CDC42BPA: variants seen among roughly 807,000 people sequenced by gnomAD.
CDC42BPA encodes the protein CDC42 binding protein kinase alpha.
In CDC42BPA, 80 loss-of-function variants were observed where a neutral mutation model predicts 223.5. The ratio of observed to expected loss-of-function variants is 0.36; its 90% CI spans 0.30 to 0.43. The LOEUF (loss-of-function observed/expected upper bound fraction) is 0.43, where lower values mean the gene tolerates loss of function less well. Among genes scored for constraint, CDC42BPA ranks in the 20% least tolerant of loss-of-function variants. The pLI, the probability that CDC42BPA is intolerant of heterozygous loss-of-function variation, is 1.00. For missense variants in CDC42BPA, 1,743 were observed against 2,099.9 expected (o/e 0.83, Z 3.32); for synonymous variants, 694 against 718.6 (o/e 0.97, Z 0.55).
chr1:227,130,481 T>C (rs573209076), intron 10 of CDC42BPA, among the ~76,000 whole-genome samples: 1 of 152,202 alleles, frequency 6.6e-6, no homozygotes, highest in Admixed American at 6.5e-5. Context: ...GTATTTATTA[T>C]TTTGAAAAGA....
intron 15 of CDC42BPA, among the ~76,000 whole-genome samples, chr1:227,095,918 G>A (rs1400784494): frequency 6.6e-6 from 1 of 152,120 alleles, no homozygotes; most frequent in African/African-American, 2.4e-5. Context: ...AGACTATATT[G>A]TTATGTGACA....
chr1:227,205,280 AAAAAT>A (rs1558757515), intron 3 of CDC42BPA, among the ~76,000 whole-genome samples: 109 of 75,500 alleles, frequency 1.4e-3, no homozygotes, highest in African/African-American at 3.3e-3. Flanking sequence ...AAAAAAAAAA[AAAAAT>A]ATATATATAT....
chr1:227,289,878 C>A (rs999364243), intron 1 of CDC42BPA, among the ~76,000 whole-genome samples: 3 of 100,246 alleles, frequency 3.0e-5, no homozygotes, highest in African/African-American at 1.1e-4. Flanking sequence ...ATGGTGAGAC[C>A]CTGTCTCTAC....
At chr1:227,095,190 A>C (rs1332926495) in intron 15 of CDC42BPA, among the ~76,000 whole-genome samples, 1 of 152,226 alleles carries the variant, frequency 6.6e-6, no homozygotes, top group Admixed American at 6.5e-5. Context: ...AGTTCAATGA[A>C]CGTATACTTA....
intron 16 of CDC42BPA, among the ~76,000 whole-genome samples, chr1:227,084,497 C>T (rs899651866): frequency 1.4e-5 from 2 of 146,400 alleles, no homozygotes; most frequent in Non-Finnish European, 3.0e-5. Flanking sequence ...CACTGCACTC[C>T]AGCCTGGGCA....
intron 35 of CDC42BPA, among the ~76,000 whole-genome samples, chr1:226,999,660 T>C (rs1662371425): frequency 6.6e-6 from 1 of 152,166 alleles, no homozygotes; most frequent in Non-Finnish European, 1.5e-5. Flanking sequence ...GTATGTTTAT[T>C]GCAGCACTAT....
At chr1:227,046,061 C>A (rs1335426801) in intron 23 of CDC42BPA, among the ~76,000 whole-genome samples, 2 of 152,146 alleles carry the variant, frequency 1.3e-5, no homozygotes, top group Non-Finnish European at 2.9e-5. Flanking sequence ...CCGCCTAAGC[C>A]TCCCAAAATG....
At position 227,112,298 on chromosome 1, in the gene CDC42BPA, A is replaced by C. The variant is rs760188898; in HGVS notation, c.2001+14T>G. Reference sequence around the variant, plus strand: ...AAATCAATTAAGCTTCATAAATGTGAAGTCAAAAGATACCTTCAGTCCCTC... The same window carrying C: ...AAATCAATTAAGCTTCATAAATGTGCAGTCAAAAGATACCTTCAGTCCCTC... On this transcript the variant is annotated intron_variant, in intron 14 of 36. Coordinates refer to ENST00000366766, the MANE Select transcript of CDC42BPA (RefSeq NM_001394014.1). 6.9e-7 allele frequency: 1 copy of C among 1,439,866 alleles called. No homozygotes were observed. The highest frequency in any genetic ancestry group is 9.6e-7 in the Non-Finnish European group (1 of 1,039,418). 89.2% of individuals were successfully genotyped at this position (1,439,866 alleles called of 1,614,324 possible).
At chr1:227,135,855 CAAAAAAAAAAAAAAAAAAAAAAAAA>C (rs1175091904) in intron 10 of CDC42BPA, among the ~76,000 whole-genome samples, 2 of 6,606 alleles carry the variant, frequency 3.0e-4, no homozygotes, top group East Asian at 6.5e-3. Context: ...CTCTGTCTCC[CAAAAAAAAAAAAAAAAAAAAAAAAA>C]AAAAAAAAAA....
chr1:227,091,476 T>C (rs1212104852), intron 16 of CDC42BPA, among the ~76,000 whole-genome samples: 1 of 152,168 alleles, frequency 6.6e-6, no homozygotes, highest in Non-Finnish European at 1.5e-5. Flanking sequence ...TCTGCCATGA[T>C]TGGAAGCTTC....
chr1:227,195,210 T>C (rs970573002), intron 4 of CDC42BPA, among the ~76,000 whole-genome samples: 1 of 152,166 alleles, frequency 6.6e-6, no homozygotes, highest in Non-Finnish European at 1.5e-5. Context: ...GTTTGTTTGT[T>C]TTGAGACAGA....
chr1:227,228,804 A>G (rs1677307071), intron 2 of CDC42BPA, among the ~76,000 whole-genome samples: 1 of 152,156 alleles, frequency 6.6e-6, no homozygotes, highest in African/African-American at 2.4e-5. Flanking sequence ...TTTCATGTAC[A>G]TATTGTCCAT....
intron 12 of CDC42BPA, among the ~76,000 whole-genome samples, chr1:227,118,698 A>G (rs1342340212): frequency 6.6e-6 from 1 of 152,152 alleles, no homozygotes; most frequent in Non-Finnish European, 1.5e-5. Flanking sequence ...AGCAGGAAGC[A>G]TAACGCCGAT....
chr1:227,023,647 C>G (rs1667770419), intron 31 of CDC42BPA, among the ~76,000 whole-genome samples: 1 of 152,130 alleles, frequency 6.6e-6, no homozygotes, highest in South Asian at 2.1e-4. Flanking sequence ...AACAGTTATA[C>G]TAAGCAGATA....
chr1:227,066,218 G>A (rs959478001), intron 21 of CDC42BPA, among the ~76,000 whole-genome samples: 1 of 151,910 alleles, frequency 6.6e-6, no homozygotes, highest in African/African-American at 2.4e-5. Context: ...GTGAAAGCCC[G>A]TCTCTACTAA....
chr1:227,120,798 CT>C (rs1213080146), intron 11 of CDC42BPA, among the ~76,000 whole-genome samples: 7 of 152,144 alleles, frequency 4.6e-5, no homozygotes, highest in African/African-American at 1.7e-4. Context: ...CACATTATTA[CT>C]CTAAGTCAGC....
intron 1 of CDC42BPA, among the ~76,000 whole-genome samples, chr1:227,307,771 T>C (rs989983078): frequency 6.6e-6 from 1 of 152,322 alleles, no homozygotes; most frequent in African/African-American, 2.4e-5. Context: ...TGCTGCATAA[T>C]CTTCAATACA....
chr1:227,125,640 G>C (rs1689452662), intron 11 of CDC42BPA, among the ~76,000 whole-genome samples: 1 of 143,560 alleles, frequency 7.0e-6, no homozygotes, highest in Admixed American at 7.1e-5. Context: ...GTCAGAAAAA[G>C]ACAGGACATT....
intron 23 of CDC42BPA, among the ~76,000 whole-genome samples, chr1:227,043,321 G>A (rs1478928146): frequency 2.0e-5 from 3 of 151,290 alleles, no homozygotes; most frequent in South Asian, 2.1e-4. Context: ...GCTGAGGCAG[G>A]AGAACTGCTT....
Sources: allele counts gnomAD v4.1 joint callset (sites outside exome capture counted in the v4.1 genomes callset), GRCh38; gene constraint gnomAD v4.1.1; transcripts MANE v1.5; gene names NCBI Gene and HGNC (gene_info 2026-07-23, HGNC 2026-07-21).